Variants in SUMF1 observed in about 807,000 individuals in gnomAD.
SUMF1 encodes the protein sulfatase modifying factor 1, also known as formylglycine-generating enzyme.
A neutral mutation model predicts 47.6 loss-of-function variants in SUMF1; 48 were observed. That is an observed-to-expected ratio of 1.01 (90% CI 0.80 to 1.28). The LOEUF (loss-of-function observed/expected upper bound fraction) is 1.28. Among genes scored for constraint, SUMF1 ranks in the 50% most tolerant of loss-of-function variants. The probability of loss-of-function intolerance (pLI) is 0.00; values close to 1 mark genes in which losing one functional copy is unlikely to be tolerated. For missense variants in SUMF1, 571 were observed against 485.4 expected, an observed-to-expected ratio of 1.18 and a Z score of -1.66; for synonymous variants, 230 against 192.1, an observed-to-expected ratio of 1.20 and a Z score of -1.63.
At chr3:4,135,598 C>G (rs1693906843) in intron 8 of SUMF1, among the ~76,000 whole-genome samples, 1 of 152,056 alleles carries the variant, frequency 6.6e-6, no homozygotes, top group Non-Finnish European at 1.5e-5. Context: ...ACTCCGATTC[C>G]AACATAGTGT....
intron 8 of SUMF1, among the ~76,000 whole-genome samples, chr3:4,109,888 G>C (rs1469066193): frequency 6.6e-6 from 1 of 152,054 alleles, no homozygotes; most frequent in Non-Finnish European, 1.5e-5. Flanking sequence ...CTTTAGCTCG[G>C]AGTAGTTTGA....
intron 7 of SUMF1, among the ~76,000 whole-genome samples, chr3:4,389,100 T>C (rs1447806970): frequency 2.0e-5 from 3 of 152,182 alleles, no homozygotes; most frequent in African/African-American, 7.2e-5. Context: ...AATCATTTTC[T>C]TTCTGTTTAA....
intron 8 of SUMF1, among the ~76,000 whole-genome samples, chr3:4,145,016 G>A (rs539427076): frequency 1.1e-4 from 16 of 151,890 alleles, no homozygotes; most frequent in Admixed American, 6.6e-4. Flanking sequence ...TGGCTAACAC[G>A]GTGAAACCCC....
At chr3:4,449,446 A>G in intron 2 of SUMF1, 106 bp from the exon 3 acceptor site, 2 of 1,149,584 alleles carry the variant, frequency 1.7e-6, no homozygotes, top group Non-Finnish European at 2.6e-6. Context: ...TGTCCAATTG[A>G]ACTTGAGTCT....
intron 8 of SUMF1, among the ~76,000 whole-genome samples, chr3:4,146,413 A>G (rs1024864895): frequency 3.3e-5 from 5 of 151,728 alleles, no homozygotes; most frequent in African/African-American, 9.7e-5. Context: ...CGAGGGGGGG[A>G]AAGGTGAATG....
At chr3:4,184,455 CAAAAAGAAA>C (rs1423247960) in intron 8 of SUMF1, among the ~76,000 whole-genome samples, 1 of 145,898 alleles carries the variant, frequency 6.9e-6, no homozygotes, top group Non-Finnish European at 1.5e-5. Context: ...AACTGGGTCT[CAAAAAGAAA>C]AAAAAGAAAA....
chr3:4,355,783 C>T (rs1419296969), intron 8 of SUMF1, among the ~76,000 whole-genome samples: 1 of 152,178 alleles, frequency 6.6e-6, no homozygotes, highest in Non-Finnish European at 1.5e-5. Flanking sequence ...CCTTCAATTA[C>T]TCTGAACTGG....
intron 9 of SUMF1, among the ~76,000 whole-genome samples, chr3:4,055,439 G>T (rs1695174872): frequency 6.6e-6 from 1 of 151,946 alleles, no homozygotes; most frequent in Non-Finnish European, 1.5e-5. Flanking sequence ...AACCTTAGCA[G>T]CTTAAACCAC....
At chr3:4,203,127 G>A (rs1020605249) in intron 8 of SUMF1, among the ~76,000 whole-genome samples, 19 of 151,874 alleles carry the variant, frequency 1.3e-4, no homozygotes, top group African/African-American at 4.6e-4. Flanking sequence ...TGCCAATTAA[G>A]TGTGATAGTT....
At chr3:4,200,029 G>A (rs1695508495) in intron 8 of SUMF1, among the ~76,000 whole-genome samples, 2 of 151,958 alleles carry the variant, frequency 1.3e-5, no homozygotes, top group Non-Finnish European at 2.9e-5. Flanking sequence ...ACAACATAAA[G>A]GTTCATGTGT....
intron 3 of SUMF1, among the ~76,000 whole-genome samples, chr3:4,438,015 A>C (rs1166359565): frequency 2.0e-5 from 3 of 152,078 alleles, no homozygotes. Context: ...ACTAACCAAA[A>C]GAAAGCTTGT....
intron 1 of SUMF1, among the ~76,000 whole-genome samples, chr3:4,463,118 G>A (rs2079855867): frequency 6.6e-6 from 1 of 152,202 alleles, no homozygotes. Context: ...TGCCTAAAAT[G>A]TATAAGGCAC....
In SUMF1 at chr3:4,384,809, A is replaced by G. The variant is rs147687559; in HGVS notation, c.955-8420T>C. On this transcript the variant is annotated intron_variant, in intron 7 of 8. Transcript: ENST00000272902. ...GCTATGTACAGGTTTTTGTATGAAC[A>G]TAAGTTTTCATCCCTTTGGAATCAA... 2.1e-3 allele frequency among the ~76,000 whole-genome samples: 314 copies of G among 152,282 alleles called. 2 individuals are homozygous for G. The highest frequency in any genetic ancestry group is 6.6e-3 in the African/African-American group (276 of 41,552).
chr3:4,141,030 AC>A (rs1479609584), intron 8 of SUMF1, among the ~76,000 whole-genome samples: 3 of 152,158 alleles, frequency 2.0e-5, no homozygotes, highest in Non-Finnish European at 4.4e-5. Flanking sequence ...TCACTTGTTG[AC>A]CTTTAAAAGA....
At chr3:4,145,316 C>T (rs999319385) in intron 8 of SUMF1, among the ~76,000 whole-genome samples, 1 of 151,898 alleles carries the variant, frequency 6.6e-6, no homozygotes, top group Admixed American at 6.6e-5. Flanking sequence ...ACTTGGGTAC[C>T]CAGTAAATAT....
chr3:4,067,309 T>C (rs1695400308), intron 9 of SUMF1, among the ~76,000 whole-genome samples: 1 of 152,192 alleles, frequency 6.6e-6, no homozygotes, highest in African/African-American at 2.4e-5. Flanking sequence ...GATGACACTA[T>C]ATTCTAGCCA....
At chr3:4,284,163 G>A (rs1459922273) in intron 8 of SUMF1, among the ~76,000 whole-genome samples, 3 of 151,856 alleles carry the variant, frequency 2.0e-5, no homozygotes, top group Non-Finnish European at 4.4e-5. Flanking sequence ...TGCTTAGAAC[G>A]CTAGCACTTT....
chr3:4,371,424 C>T (rs1700163328), intron 8 of SUMF1, among the ~76,000 whole-genome samples: 1 of 152,144 alleles, frequency 6.6e-6, no homozygotes, highest in South Asian at 2.1e-4. Context: ...TAAAGGGGAG[C>T]AGCAATATGG....
At chr3:4,380,322 C>G (rs551499392) in intron 7 of SUMF1, among the ~76,000 whole-genome samples, 1 of 152,148 alleles carries the variant, frequency 6.6e-6, no homozygotes, top group South Asian at 2.1e-4. Context: ...AACGCAGGAA[C>G]AGAAAACCAA....
Sources: allele counts gnomAD v4.1 joint callset (sites outside exome capture counted in the v4.1 genomes callset), GRCh38; gene constraint gnomAD v4.1.1; transcripts MANE v1.5; gene names NCBI Gene and HGNC (gene_info 2026-07-23, HGNC 2026-07-21).